The following CBLB variants were observed in gnomAD, a reference collection of about 807,000 sequenced individuals.
CBLB encodes the protein E3 ubiquitin-protein ligase CBL-B.
In CBLB, 31 loss-of-function variants were observed where a neutral mutation model predicts 104.9. The ratio of observed to expected loss-of-function variants is 0.30; its 90% confidence interval spans 0.22 to 0.40. The LOEUF is 0.40. CBLB is among the 10% of genes least tolerant of loss of function. The pLI is 1.00. For missense variants in CBLB, 1,062 were observed against 1,214.6 expected, an observed-to-expected ratio of 0.87 and a Z score of 1.87; for synonymous variants, 440 against 422.6, an observed-to-expected ratio of 1.04 and a Z score of -0.51.
At chr3:105,780,207 G>A (rs1468629740) in intron 3 of CBLB, among the ~76,000 whole-genome samples, 2 of 150,824 alleles carry the variant, frequency 1.3e-5, no homozygotes, top group Non-Finnish European at 3.0e-5. Flanking sequence ...AACAATCCAA[G>A]AATACAGTCA....
At chr3:105,786,707 G>T (rs2081069521) in intron 3 of CBLB, among the ~76,000 whole-genome samples, 1 of 151,606 alleles carries the variant, frequency 6.6e-6, no homozygotes, top group Non-Finnish European at 1.5e-5. Flanking sequence ...CAGAAGGAGG[G>T]GTCTGGATCC....
intron 9 of CBLB, among the ~76,000 whole-genome samples, chr3:105,732,623 A>G (rs2074434138): frequency 6.6e-6 from 1 of 152,186 alleles, no homozygotes; most frequent in Non-Finnish European, 1.5e-5. Flanking sequence ...TTCCTCATCC[A>G]TTAAAAAAAT....
chr3:105,755,744 AAG>A (rs1475100520), intron 4 of CBLB, among the ~76,000 whole-genome samples: 1 of 152,230 alleles, frequency 6.6e-6, no homozygotes, highest in Non-Finnish European at 1.5e-5. Flanking sequence ...CATTATGACT[AAG>A]AACATCTACT....
chr3:105,702,775 G>A (rs1218951446), intron 11 of CBLB, among the ~76,000 whole-genome samples: 1 of 152,100 alleles, frequency 6.6e-6, no homozygotes, highest in Non-Finnish European at 1.5e-5. Flanking sequence ...GACATTAAAA[G>A]AATATGTCAA....
chr3:105,819,301 A>G (rs1306927416), intron 3 of CBLB, among the ~76,000 whole-genome samples: 1 of 152,176 alleles, frequency 6.6e-6, no homozygotes, highest in Non-Finnish European at 1.5e-5. Context: ...AGCCTGGCCA[A>G]CACTGTAAGA....
chr3:105,757,507 T>C (rs772828002), intron 4 of CBLB, among the ~76,000 whole-genome samples: 2 of 152,222 alleles, frequency 1.3e-5, no homozygotes, highest in Admixed American at 6.5e-5. Context: ...ATTACTACTT[T>C]ATCTGGGTAG....
intron 12 of CBLB, among the ~76,000 whole-genome samples, chr3:105,696,049 T>C (rs2068335666): frequency 6.6e-6 from 1 of 151,560 alleles, no homozygotes; most frequent in Admixed American, 6.6e-5. Flanking sequence ...GTTATATATA[T>C]ACACATACAT....
chr3:105,861,097 T>C (rs1250273184), intron 2 of CBLB, among the ~76,000 whole-genome samples: 1 of 151,922 alleles, frequency 6.6e-6, no homozygotes, highest in Non-Finnish European at 1.5e-5. Context: ...GTGTCTTTCA[T>C]TACTTGAAAA....
chr3:105,681,462 T>G lies in CBLB; in HGVS notation c.2428+17A>C. On this transcript the variant is annotated intron_variant, in intron 16 of 18. Transcript: ENST00000394030. ...AAGGAGGGGTGGGTTGTTCAAAACTTTTTTAAAGGTTTCAACCTAATGGAG... is the reference window on the plus strand; with the variant it reads ...AAGGAGGGGTGGGTTGTTCAAAACTGTTTTAAAGGTTTCAACCTAATGGAG... 4 of 1,613,760 alleles carry G rather than the reference T, an allele frequency of 2.5e-6. No homozygotes were observed. Among genetic ancestry groups the G allele is most frequent in the Non-Finnish European group, 3.4e-6 (4 of 1,179,700 alleles).
intron 5 of CBLB, among the ~76,000 whole-genome samples, chr3:105,750,206 G>C (rs181849608): frequency 6.6e-6 from 1 of 152,148 alleles, no homozygotes; most frequent in Admixed American, 6.5e-5. Flanking sequence ...TTTTAGTAGA[G>C]GCGGGGTTTC....
At chr3:105,728,927 A>T (rs562777601) in intron 9 of CBLB, among the ~76,000 whole-genome samples, 14 of 152,304 alleles carry the variant, frequency 9.2e-5, no homozygotes, top group Non-Finnish European at 1.5e-4. Context: ...TCTGTTAATT[A>T]CATAAAATTT....
chr3:105,837,505 T>C (rs1222194546), intron 3 of CBLB, among the ~76,000 whole-genome samples: 1 of 152,230 alleles, frequency 6.6e-6, no homozygotes, highest in Non-Finnish European at 1.5e-5. Flanking sequence ...AAGAAAGCTA[T>C]GCAATATGCT....
intron 10 of CBLB, among the ~76,000 whole-genome samples, chr3:105,715,836 C>A (rs2071775328): frequency 6.6e-6 from 1 of 152,016 alleles, no homozygotes; most frequent in South Asian, 2.1e-4. Context: ...GTCAGGAGTT[C>A]GAGACTAGGC....
chr3:105,670,101 C>G (rs2064906194), intron 18 of CBLB, 132 bp downstream of exon 18: 8 of 797,744 alleles, frequency 1.0e-5, no homozygotes, highest in South Asian at 6.8e-5. Context: ...AAGCAAAATG[C>G]AATGATGATC....
At chr3:105,668,223 CG>C (rs1323317665) in intron 18 of CBLB, among the ~76,000 whole-genome samples, 1 of 152,020 alleles carries the variant, frequency 6.6e-6, no homozygotes, top group African/African-American at 2.4e-5. Flanking sequence ...AATGGCTATT[CG>C]GGGATATTTC....
rs1045987986 is a variant in CBLB at position 105,657,222 on chromosome 3, T to C, written c.*1748A>G. On this transcript the variant is annotated 3_prime_UTR_variant, in exon 19 of 19. Transcript: ENST00000394030. The stretch of plus-strand genomic sequence containing the variant: ...CAACTTAGTCTACGTGTCTTTTGTA[T>C]AACATTAATTTCCACCAGATCTACT... The C allele has an allele frequency of 2.3e-5, 5 of 221,618 alleles. No individual in the cohort carries two copies. Among genetic ancestry groups the C allele is most frequent in the African/African-American group, 1.1e-4 (5 of 44,742 alleles). 13.7% of individuals were successfully genotyped at this position (221,618 alleles called of 1,614,324 possible). A position where few individuals can be genotyped will look rare whatever the true frequency, so the allele number is the denominator to read the frequency against.
At chr3:105,758,375 G>T (rs528002250) in intron 4 of CBLB, among the ~76,000 whole-genome samples, 1 of 152,178 alleles carries the variant, frequency 6.6e-6, no homozygotes, top group Non-Finnish European at 1.5e-5. Flanking sequence ...GGGTATTTAT[G>T]CTGCATAATT....
chr3:105,699,233 A>T (rs1034731460), intron 12 of CBLB, among the ~76,000 whole-genome samples: 18 of 151,832 alleles, frequency 1.2e-4, no homozygotes, highest in African/African-American at 4.1e-4. Flanking sequence ...AACAAAGAGA[A>T]GATGTTTCGG....
rs370737926 is a variant in CBLB at position 105,771,259 on chromosome 3, C to T, written c.566+5137G>A. Among the ~76,000 whole-genome samples, 19 of 152,196 alleles carry T rather than the reference C, an allele frequency of 1.2e-4. No individual in the cohort carries two copies. In the East Asian group the frequency reaches 3.3e-3, roughly 26 times the overall value. On this transcript the variant is annotated intron_variant, in intron 4 of 18. Transcript: ENST00000394030. ...CATATGTAAGTTAATAAATGTGACA[C>T]ATCACATAAACAGAAATTTTAAAAA...
Sources: gnomAD v4.1 joint callset for allele counts (sites outside exome capture counted in the v4.1 genomes callset) on GRCh38, gnomAD v4.1.1 for gene constraint, MANE v1.5 for transcripts, NCBI Gene and HGNC (gene_info 2026-07-23, HGNC 2026-07-21) for gene names.